The following LONP2 variants were observed in gnomAD, a reference collection of about 807,000 sequenced individuals.
LONP2 encodes the protein lon peptidase 2, peroxisomal, also known as lon protease homolog 2, peroxisomal.
In LONP2, 60 loss-of-function variants were observed where a neutral mutation model predicts 85.6. The observed-to-expected ratio is 0.70, with a 90% CI of 0.57 to 0.87. The LOEUF is 0.87. LONP2 is among the 40% of genes least tolerant of loss of function. LONP2 has a pLI of 0.00. For synonymous variants in LONP2, 395 were observed against 389.7 expected, an observed-to-expected ratio of 1.01 and a Z score of -0.16; for missense variants, 860 against 1,063.5, an observed-to-expected ratio of 0.81 and a Z score of 2.66.
intron 11 of LONP2, among the ~76,000 whole-genome samples, chr16:48,318,660 T>C (rs1000929353): frequency 6.6e-6 from 1 of 152,230 alleles, no homozygotes; most frequent in Non-Finnish European, 1.5e-5. Context: ...GAGAAAGGTA[T>C]CCTGCCACGT....
intron 9 of LONP2, among the ~76,000 whole-genome samples, chr16:48,298,715 C>G (rs1972733033): frequency 6.7e-6 from 1 of 149,100 alleles, no homozygotes; most frequent in African/African-American, 2.5e-5. Context: ...ATTTATTCTT[C>G]TATTTGAAAT....
intron 4 of LONP2, among the ~76,000 whole-genome samples, 177 bp from the exon 5 acceptor site, chr16:48,261,247 G>A (rs1233344710): frequency 1.3e-5 from 2 of 152,012 alleles, no homozygotes; most frequent in Non-Finnish European, 2.9e-5. Context: ...CTGCAATTCT[G>A]CTGCCTCTCT....
At chr16:48,296,412 G>A (rs1407519740) in intron 9 of LONP2, among the ~76,000 whole-genome samples, 4 of 152,124 alleles carry the variant, frequency 2.6e-5, no homozygotes, top group Non-Finnish European at 4.4e-5. Flanking sequence ...TGACAAATAA[G>A]ACATTCTTCT....
chr16:48,294,963 CT>C, intron 8 of LONP2, among the ~76,000 whole-genome samples: 1 of 152,268 alleles, frequency 6.6e-6, no homozygotes, highest in East Asian at 1.9e-4. Flanking sequence ...CATGTAGAAG[CT>C]GTTGGTGCCT....
intron 11 of LONP2, among the ~76,000 whole-genome samples, chr16:48,316,928 A>C (rs1430557880): frequency 6.6e-6 from 1 of 152,154 alleles, no homozygotes; most frequent in Non-Finnish European, 1.5e-5. Context: ...TCCTCTGAAA[A>C]GTGTTACATT....
chr16:48,285,464 A>G (rs1395211340), intron 8 of LONP2, among the ~76,000 whole-genome samples: 2 of 151,836 alleles, frequency 1.3e-5, no homozygotes, highest in Non-Finnish European at 2.9e-5. Flanking sequence ...AACTCGTATT[A>G]TGGTGTGTTG....
chr16:48,260,165 TCTG>T (rs889161552), intron 4 of LONP2, among the ~76,000 whole-genome samples: 4 of 152,240 alleles, frequency 2.6e-5, no homozygotes, highest in Non-Finnish European at 4.4e-5. Flanking sequence ...TAATATTTTA[TCTG>T]CTGATGACTT....
chr16:48,346,600 A>T (rs755254665), intron 12 of LONP2, among the ~76,000 whole-genome samples: 1 of 152,108 alleles, frequency 6.6e-6, no homozygotes, highest in Non-Finnish European at 1.5e-5. Context: ...TAGAGTTTCT[A>T]ATATAACCCT....
chr16:48,303,331 C>T (rs748350544), intron 11 of LONP2, 26 bp downstream of exon 11: 17 of 1,608,762 alleles, frequency 1.1e-5, no homozygotes, highest in East Asian at 2.2e-5. Flanking sequence ...CTGGCATTCT[C>T]AGGCCTGGTG....
chr16:48,303,428 T>C, intron 11 of LONP2, 123 bp downstream of exon 11: 1 of 1,035,252 alleles, frequency 9.7e-7, no homozygotes, highest in Non-Finnish European at 1.4e-6. Flanking sequence ...GACTCCACTG[T>C]TAAATGCATC....
chr16:48,291,446 G>T (rs941543906), intron 8 of LONP2, among the ~76,000 whole-genome samples: 2 of 152,130 alleles, frequency 1.3e-5, no homozygotes, highest in Non-Finnish European at 2.9e-5. Context: ...TTCTTCTCTT[G>T]TCAGAAATTA....
At chr16:48,320,658 T>C (rs1596982467) in intron 11 of LONP2, among the ~76,000 whole-genome samples, 1 of 152,238 alleles carries the variant, frequency 6.6e-6, no homozygotes, top group Non-Finnish European at 1.5e-5. Flanking sequence ...GGTGAAAATA[T>C]CATGTTGGTA....
chr16:48,263,597 C>T (rs78378887), intron 6 of LONP2, among the ~76,000 whole-genome samples: 12,495 of 152,206 alleles, frequency 0.082, 550 homozygotes, highest in Middle Eastern at 0.11. Flanking sequence ...TCTTTATTCA[C>T]TTATGTGTCA....
intron 10 of LONP2, among the ~76,000 whole-genome samples, chr16:48,302,838 A>C (rs1460086757): frequency 6.6e-6 from 1 of 152,252 alleles, no homozygotes; most frequent in Non-Finnish European, 1.5e-5. Flanking sequence ...TGTTTAAGAA[A>C]ACTCTTCAAC....
intron 11 of LONP2, among the ~76,000 whole-genome samples, chr16:48,331,774 C>T (rs530807138): frequency 6.6e-6 from 1 of 152,266 alleles, no homozygotes; most frequent in East Asian, 1.9e-4. Context: ...CTGTGTTAGC[C>T]AGGATGGTCT....
intron 7 of LONP2, among the ~76,000 whole-genome samples, chr16:48,271,225 C>T (rs955472959): frequency 6.6e-6 from 1 of 152,114 alleles, no homozygotes; most frequent in African/African-American, 2.4e-5. Context: ...ATTAATCTGA[C>T]ATTATTAGAA....
chr16:48,306,570 G>C (rs1178629694), intron 11 of LONP2, among the ~76,000 whole-genome samples: 1 of 152,138 alleles, frequency 6.6e-6, no homozygotes, highest in African/African-American at 2.4e-5. Flanking sequence ...TTGTCTCTTG[G>C]AGACGATTTT....
chr16:48,352,119 A>G lies in LONP2; in HGVS notation c.*317A>G, dbSNP rs1960170933. ...ACCTGGTAACTTGTTAGAAATGTAC[A>G]TTCTCAGGCTCCACAGCAGGCCGCC... On this transcript the variant is annotated 3_prime_UTR_variant, in exon 15 of 15. Transcript: ENST00000285737. 4.9e-5 allele frequency: 13 copies of G among 266,260 alleles called. No individual in the cohort carries two copies. In the South Asian group the frequency reaches 8.7e-4, roughly 18 times the overall value. 16.5% of individuals were successfully genotyped at this position (266,260 alleles called of 1,614,324 possible). A position where few individuals can be genotyped will look rare whatever the true frequency, so the allele number is the denominator to read the frequency against.
At chr16:48,255,578 C>A (rs1388972012) in intron 2 of LONP2, among the ~76,000 whole-genome samples, 1 of 152,162 alleles carries the variant, frequency 6.6e-6, no homozygotes, top group African/African-American at 2.4e-5. Flanking sequence ...TGCTCAGATT[C>A]TAGTTAGTCC....
Sources: allele counts gnomAD v4.1 joint callset (sites outside exome capture counted in the v4.1 genomes callset), GRCh38; gene constraint gnomAD v4.1.1; transcripts MANE v1.5; gene names NCBI Gene and HGNC (gene_info 2026-07-23, HGNC 2026-07-21).